Variants in CFAP54 observed in about 807,000 individuals in gnomAD.
CFAP54 encodes the protein cilia and flagella associated protein 54.
CFAP54 carries 290 observed loss-of-function variants against 370.4 expected under a neutral mutation model. The observed-to-expected ratio is 0.78, with a 90% CI of 0.71 to 0.86. The LOEUF (loss-of-function observed/expected upper bound fraction) is 0.86. CFAP54 is among the 40% of genes least tolerant of loss of function. The pLI is 0.00. For synonymous variants in CFAP54, 1,206 were observed against 1,236.5 expected (o/e 0.98, Z 0.52); for missense variants, 3,399 against 3,528.7 (o/e 0.96, Z 0.93).
At chr12:96,505,382 A>G (rs949681534) in intron 3 of CFAP54, among the ~76,000 whole-genome samples, 2 of 151,216 alleles carry the variant, frequency 1.3e-5, no homozygotes, top group African/African-American at 4.9e-5. Context: ...TAAAGTAGAA[A>G]CCTGTCATTT....
chr12:96,696,450 C>A lies in CFAP54; in HGVS notation c.6351+2642C>A, dbSNP rs537191871. Among the ~76,000 whole-genome samples, 14 of 151,958 alleles carry A rather than the reference C, an allele frequency of 9.2e-5. 1 individual carries two copies. Among genetic ancestry groups the A allele is most frequent in the African/African-American group, 3.4e-4 (14 of 41,436 alleles). ...AACAAGAGGAGATCTAGAGGGGCACCAAAGGACATAATCTGGAACAAAATG... is the reference window on the plus strand; with the variant it reads ...AACAAGAGGAGATCTAGAGGGGCACAAAAGGACATAATCTGGAACAAAATG... On this transcript the variant is annotated intron_variant, in intron 45 of 67. Transcript: ENST00000524981.
intron 62 of CFAP54, among the ~76,000 whole-genome samples, chr12:96,789,116 A>G (rs962109336): frequency 6.6e-6 from 1 of 152,192 alleles, no homozygotes; most frequent in Non-Finnish European, 1.5e-5. Context: ...GCCTCATATT[A>G]TTGGGTCATT....
intron 59 of CFAP54, 73 bp downstream of exon 59, chr12:96,764,322 T>G: frequency 8.8e-7 from 1 of 1,134,552 alleles, no homozygotes; most frequent in Non-Finnish European, 1.3e-6. Context: ...GAACACAATA[T>G]ACCTGTAAAA....
rs969354274 is a variant in CFAP54 at position 96,742,526 on chromosome 12, T to C, written c.7159T>C (p.Cys2387Arg). The stretch of plus-strand genomic sequence containing the variant: ...TTTCAACATTCATCTGTGGTTGAGG[T>C]GCCGCTTAGCATTGGTGACTGCATT... ...EYFNIHLWLR[C>R]RLALVTAFVA... The change falls in exon 52 of 68, where the codon TGC becomes CGC. Residue 2387 changes from cysteine (C) to arginine (R), a missense_variant. This residue lies in a region of CFAP54 where 2,796 missense variants were observed against 2,869.7 expected (regional missense o/e 0.97). Transcript: ENST00000524981. The C allele has an allele frequency of 1.2e-6, 2 of 1,613,544 alleles. No individual in the cohort carries two copies. Among genetic ancestry groups the C allele is most frequent in the Non-Finnish European group, 1.7e-6 (2 of 1,179,800 alleles).
At chr12:96,584,169 TA>T (rs11458285) in intron 22 of CFAP54, among the ~76,000 whole-genome samples, 90 of 149,236 alleles carry the variant, frequency 6.0e-4, no homozygotes, top group African/African-American at 1.7e-3. Context: ...TTCATTCAAA[TA>T]AAAAAAAAAT....
chr12:96,529,163 A>G (rs537559309), intron 9 of CFAP54, among the ~76,000 whole-genome samples: 38 of 152,326 alleles, frequency 2.5e-4, no homozygotes, highest in Middle Eastern at 3.4e-3. Flanking sequence ...GATAGGCTTT[A>G]TGGCCTAGCA....
intron 12 of CFAP54, among the ~76,000 whole-genome samples, chr12:96,536,300 A>G (rs965091788): frequency 2.0e-5 from 3 of 152,222 alleles, no homozygotes; most frequent in Non-Finnish European, 2.9e-5. Context: ...TTTGTATATA[A>G]CACTGGGATT....
At chr12:96,497,585 C>T (rs996080648) in intron 1 of CFAP54, among the ~76,000 whole-genome samples, 3 of 152,188 alleles carry the variant, frequency 2.0e-5, no homozygotes, top group Non-Finnish European at 4.4e-5. Context: ...CCTTGCCAGG[C>T]GTGACCCATG....
At chr12:96,515,922 T>TTG (rs1402211311) in intron 5 of CFAP54, among the ~76,000 whole-genome samples, 7 of 147,864 alleles carry the variant, frequency 4.7e-5, no homozygotes, top group Admixed American at 6.7e-5. Context: ...GTTTTTTTTT[T>TTG]TTTTTTTTTT....
intron 53 of CFAP54, 85 bp downstream of exon 53, chr12:96,743,644 A>G (rs1168252385): frequency 1.3e-6 from 2 of 1,575,188 alleles, no homozygotes; most frequent in Non-Finnish European, 1.7e-6. Flanking sequence ...TCCACTAGGT[A>G]CTGAATGCAT....
chr12:96,679,391 C>A (rs1957245571), intron 39 of CFAP54, among the ~76,000 whole-genome samples: 2 of 137,822 alleles, frequency 1.5e-5, no homozygotes, highest in African/African-American at 5.3e-5. Flanking sequence ...GTTTTCCAAG[C>A]TTTTTTTTTT....
At chr12:96,561,670 T>C (rs1955817454) in intron 17 of CFAP54, among the ~76,000 whole-genome samples, 1 of 150,870 alleles carries the variant, frequency 6.6e-6, no homozygotes, top group Non-Finnish European at 1.5e-5. Flanking sequence ...TATTGAGATG[T>C]CAATGGCTCC....
chr12:96,663,454 A>G (rs529535000), intron 38 of CFAP54, among the ~76,000 whole-genome samples: 16 of 151,370 alleles, frequency 1.1e-4, no homozygotes, highest in South Asian at 4.2e-4. Flanking sequence ...TTCACCAGGG[A>G]AAATAAAATT....
chr12:96,627,464 A>G (rs1956559991), intron 30 of CFAP54, among the ~76,000 whole-genome samples: 2 of 152,234 alleles, frequency 1.3e-5, no homozygotes, highest in South Asian at 2.1e-4. Context: ...AGACATGCCA[A>G]ATGAATCCAA....
Position 96,650,013 on chromosome 12 carries a change from G to A in CFAP54, c.4813G>A (p.Ala1605Thr). Residue 1605 changes from alanine to threonine, a missense_variant, in exon 35 of 68, where the codon GCA becomes ACA. Transcript: ENST00000524981. ...GSSAKEKDRG[A>T]NLCVMDHFMK... ...TAGTGCTAAAGAAAAGGACCGAGGA[G>A]CAAATTTGTGTGTAATGGATCATTT... is the stretch of plus-strand genomic sequence containing the variant. 5.0e-6 allele frequency: 8 copies of A among 1,613,740 alleles called. No individual in the cohort carries two copies. Among genetic ancestry groups the A allele is most frequent in the South Asian group, 1.1e-5 (1 of 90,968 alleles).
At chr12:96,665,058 C>T (rs574329961) in intron 39 of CFAP54, among the ~76,000 whole-genome samples, 1 of 151,496 alleles carries the variant, frequency 6.6e-6, no homozygotes, top group Non-Finnish European at 1.5e-5. Flanking sequence ...TTGCATTTCT[C>T]CAATGATCAG....
intron 32 of CFAP54, among the ~76,000 whole-genome samples, chr12:96,641,844 C>T (rs11108604): frequency 0.034 from 5,189 of 151,274 alleles, 211 homozygotes; most frequent in African/African-American, 0.098. Context: ...AACCAAACAT[C>T]GCATGTTCTC....
At chr12:96,688,246 GT>G (rs1266003753) in intron 42 of CFAP54, among the ~76,000 whole-genome samples, 1 of 152,310 alleles carries the variant, frequency 6.6e-6, no homozygotes, top group African/African-American at 2.4e-5. Flanking sequence ...TGAAAGAGTT[GT>G]AAATGGAGAG....
chr12:96,782,195 A>G (rs1301464560), intron 60 of CFAP54, among the ~76,000 whole-genome samples: 1 of 152,128 alleles, frequency 6.6e-6, no homozygotes, highest in Non-Finnish European at 1.5e-5. Context: ...AAAAAATTAC[A>G]AGTGGGAAAA....
Sources: gnomAD v4.1 joint callset for allele counts (sites outside exome capture counted in the v4.1 genomes callset) on GRCh38, gnomAD v4.1.1 for gene constraint, gnomAD v4.1.1 regional missense constraint, MANE v1.5 for transcripts, NCBI Gene and HGNC (gene_info 2026-07-23, HGNC 2026-07-21) for gene names.